Variants in HYCC2 observed in about 807,000 individuals in gnomAD.
HYCC2 encodes hyccin 2.
chr2:201,042,155 G>C, the HYCC2 span, among the ~76,000 whole-genome samples: 5 of 152,196 alleles, frequency 3.3e-5, no homozygotes, highest in Admixed American at 2.0e-4. Context: ...ACAGGGTTTC[G>C]CCGTGTTGGC....
chr2:201,009,642 T>G, the HYCC2 span, among the ~76,000 whole-genome samples: 1 of 152,078 alleles, frequency 6.6e-6, no homozygotes, highest in Non-Finnish European at 1.5e-5. Context: ...GTATTTTTAG[T>G]AGAGACGCGG....
the HYCC2 span, among the ~76,000 whole-genome samples, chr2:200,989,946 A>G: frequency 6.6e-6 from 1 of 152,242 alleles, no homozygotes; most frequent in East Asian, 1.9e-4. Context: ...GAAAGGAATA[A>G]AAATCCATAG....
the HYCC2 span, among the ~76,000 whole-genome samples, chr2:201,027,404 ATTCC>A: frequency 6.6e-6 from 1 of 152,244 alleles, no homozygotes; most frequent in African/African-American, 2.4e-5. Flanking sequence ...AGCTGGCACC[ATTCC>A]TTCTAAAACT....
At chr2:201,069,296 C>A in the HYCC2 span, among the ~76,000 whole-genome samples, 2 of 152,194 alleles carry the variant, frequency 1.3e-5, no homozygotes, top group Non-Finnish European at 2.9e-5. Context: ...AACTCCTTTA[C>A]AATCATTGTT....
At chr2:201,017,226 T>A in the HYCC2 span, 200 of 684,748 alleles carry the variant, frequency 2.9e-4, no homozygotes, top group East Asian at 9.6e-3. Context: ...GTAACTGTTG[T>A]TTTTTTTTTT....
the HYCC2 span, among the ~76,000 whole-genome samples, chr2:201,006,772 A>G: frequency 6.6e-6 from 1 of 152,152 alleles, no homozygotes; most frequent in African/African-American, 2.4e-5. Flanking sequence ...GTGACATGGT[A>G]TAATATTGGC....
chr2:201,011,510 A>G, the HYCC2 span: 1 of 1,050,910 alleles, frequency 9.5e-7, no homozygotes, highest in South Asian at 1.9e-5. Flanking sequence ...TGAAATAATC[A>G]CAGATCTACA....
the HYCC2 span, among the ~76,000 whole-genome samples, chr2:201,032,310 T>G: frequency 6.6e-6 from 1 of 152,146 alleles, no homozygotes; most frequent in Non-Finnish European, 1.5e-5. Flanking sequence ...AGTACAAGCT[T>G]TATCCTAATT....
At chr2:201,054,096 T>G in the HYCC2 span, among the ~76,000 whole-genome samples, 1,471 of 152,298 alleles carry the variant, frequency 9.7e-3, 44 homozygotes, top group East Asian at 0.1. Context: ...AAGGTCATAT[T>G]TATGCAAAGG....
At chr2:201,063,683 T>C in the HYCC2 span, 1 of 1,576,864 alleles carries the variant, frequency 6.3e-7, no homozygotes, top group Non-Finnish European at 8.6e-7. Context: ...TCGAAGTGGT[T>C]CTGGAAACTT....
chr2:201,031,856 TTGA>T, the HYCC2 span, among the ~76,000 whole-genome samples: 1 of 152,232 alleles, frequency 6.6e-6, no homozygotes, highest in Admixed American at 6.5e-5. Flanking sequence ...CTGCAGAGAC[TTGA>T]AATACTACTA....
At chr2:200,997,416 T>C in the HYCC2 span, 4 of 1,388,638 alleles carry the variant, frequency 2.9e-6, no homozygotes, top group Admixed American at 1.7e-5. Flanking sequence ...CAAATAAATA[T>C]GAAGATTAGT....
the HYCC2 span, chr2:201,063,735 T>C: frequency 6.3e-6 from 10 of 1,584,120 alleles, no homozygotes; most frequent in East Asian, 2.2e-5. Flanking sequence ...AATGACAACT[T>C]TGGTCATGGA....
the HYCC2 span, among the ~76,000 whole-genome samples, chr2:201,023,314 A>G: frequency 9.9e-5 from 15 of 152,010 alleles, no homozygotes; most frequent in Non-Finnish European, 7.4e-5. Flanking sequence ...GTGCCACTGC[A>G]CTCCAGCCTG....
chr2:201,029,941 G>C, the HYCC2 span, among the ~76,000 whole-genome samples: 1 of 152,080 alleles, frequency 6.6e-6, no homozygotes, highest in Non-Finnish European at 1.5e-5. Context: ...AAAAAAATTA[G>C]CTGGATATAG....
the HYCC2 span, among the ~76,000 whole-genome samples, chr2:201,053,280 G>A: frequency 6.6e-6 from 1 of 152,088 alleles, no homozygotes; most frequent in East Asian, 1.9e-4. Context: ...CCACCACCAC[G>A]CCCAGCTAAT....
At chr2:201,004,349 C>T in the HYCC2 span, among the ~76,000 whole-genome samples, 1 of 152,220 alleles carries the variant, frequency 6.6e-6, no homozygotes, top group African/African-American at 2.4e-5. Context: ...CCCTGTGTAG[C>T]CACCTGGAGT....
the HYCC2 span, among the ~76,000 whole-genome samples, chr2:201,059,125 T>C: frequency 6.6e-6 from 1 of 152,234 alleles, no homozygotes; most frequent in African/African-American, 2.4e-5. Flanking sequence ...CTTTGGACTG[T>C]GTCTGACTGG....
chr2:201,040,812 T>C, the HYCC2 span, among the ~76,000 whole-genome samples: 4 of 152,174 alleles, frequency 2.6e-5, no homozygotes, highest in Admixed American at 6.5e-5. Flanking sequence ...TTCAATCTGT[T>C]GCAGAAAAAC....
Sources: gnomAD v4.1 joint callset for allele counts (sites outside exome capture counted in the v4.1 genomes callset) on GRCh38, gnomAD v4.1.1 for gene constraint, MANE v1.5 for transcripts, NCBI Gene and HGNC (gene_info 2026-07-23, HGNC 2026-07-21) for gene names.